SFMBT2: variants seen among roughly 807,000 people sequenced by gnomAD.
SFMBT2 encodes the protein scm-like with four MBT domains protein 2.
In SFMBT2, 38 loss-of-function variants were observed where a neutral mutation model predicts 110.1. That is an observed-to-expected ratio of 0.35 (90% CI 0.27 to 0.45). The LOEUF is 0.45. Ranked by LOEUF, SFMBT2 falls within the 20% of genes least tolerant of loss-of-function variation. The probability of loss-of-function intolerance (pLI) is 1.00; values close to 1 mark genes in which losing one functional copy is unlikely to be tolerated. For synonymous variants in SFMBT2, 425 were observed against 425.4 expected, an observed-to-expected ratio of 1.00 and a Z score of 0.01; for missense variants, 1,011 against 1,094.9, an observed-to-expected ratio of 0.92 and a Z score of 1.08.
At chr10:7,327,719 A>G (rs1297175581) in intron 4 of SFMBT2, among the ~76,000 whole-genome samples, 1 of 152,074 alleles carries the variant, frequency 6.6e-6, no homozygotes, top group East Asian at 1.9e-4. Context: ...AATGGAATCT[A>G]ACAGCATGCA....
At chr10:7,356,325 T>A (rs147240007) in intron 4 of SFMBT2, among the ~76,000 whole-genome samples, 1 of 152,152 alleles carries the variant, frequency 6.6e-6, no homozygotes, top group Non-Finnish European at 1.5e-5. Flanking sequence ...ACAGGCCATA[T>A]AGTGATTAAG....
At chr10:7,185,145 G>A (rs1157894056) in intron 16 of SFMBT2, among the ~76,000 whole-genome samples, 2 of 152,158 alleles carry the variant, frequency 1.3e-5, no homozygotes, top group East Asian at 3.9e-4. Context: ...AATGTCTTAA[G>A]CTGGCCTGTT....
rs1415442127 is a variant in SFMBT2, at chr10:7,171,552, G to C, written c.2415+343C>G. Reference sequence around the variant, plus strand: ...TCCTATAGAGGGGACGTGGGAGCAAGACACAGCGCAGTCAGGGGAGATGCG... The same window carrying C: ...TCCTATAGAGGGGACGTGGGAGCAACACACAGCGCAGTCAGGGGAGATGCG... On this transcript the variant is annotated intron_variant, in intron 19 of 20. Transcript: ENST00000397167. The surrounding 1 kb of genome is among the most constrained non-coding windows in gnomAD (Gnocchi z 4.9). 1.6e-5 allele frequency: 16 copies of C among 985,316 alleles called. No individual in the cohort carries two copies. In the East Asian group the frequency reaches 6.8e-4, roughly 42 times the overall value. 61.0% of individuals were successfully genotyped at this position (985,316 alleles called of 1,614,324 possible). A position where few individuals can be genotyped will look rare whatever the true frequency, so the allele number is the denominator to read the frequency against.
At position 7,365,977 on chromosome 10, in the gene SFMBT2, TAAAA is replaced by T. The variant is rs567920778; in HGVS notation, c.436+1668_436+1671del. Among the ~76,000 whole-genome samples, 119 of 152,116 alleles carry T rather than the reference TAAAA, an allele frequency of 7.8e-4. 2 individuals are homozygous for T. Among genetic ancestry groups the T allele is most frequent in the Middle Eastern group, 3.4e-3 (1 of 294 alleles). ...GTTTTATGGCACGTCAATTAGATCT[TAAAA>T]AAGAAAAGAAAAGAATAGTACAACT... On this transcript the variant is annotated intron_variant, in intron 4 of 20. Transcript: ENST00000397167.
intron 11 of SFMBT2, among the ~76,000 whole-genome samples, chr10:7,208,803 A>G (rs1839237369): frequency 6.6e-6 from 1 of 152,196 alleles, no homozygotes; most frequent in Admixed American, 6.5e-5. Flanking sequence ...TGGCTTTAAT[A>G]CATACGCTTC....
chr10:7,319,906 C>G (rs1843127645), intron 4 of SFMBT2, among the ~76,000 whole-genome samples: 7 of 114,858 alleles, frequency 6.1e-5, no homozygotes, highest in Middle Eastern at 7.2e-3. Flanking sequence ...CAGAGAGAGA[C>G]TAAGAGAGAG....
intron 9 of SFMBT2, among the ~76,000 whole-genome samples, chr10:7,230,440 T>A (rs1746370966): frequency 6.6e-6 from 1 of 152,132 alleles, no homozygotes; most frequent in Admixed American, 6.6e-5. Context: ...GCTGTCTGGA[T>A]CAAAGCCTCA....
At chr10:7,389,882 TC>T (rs914574149) in intron 1 of SFMBT2, among the ~76,000 whole-genome samples, 45 of 152,218 alleles carry the variant, frequency 3.0e-4, no homozygotes, top group African/African-American at 1.0e-3. Context: ...ATAAGCATCC[TC>T]CCCTCTCAAC....
At chr10:7,230,857 C>T (rs556422656) in intron 9 of SFMBT2, among the ~76,000 whole-genome samples, 3 of 152,080 alleles carry the variant, frequency 2.0e-5, no homozygotes, top group South Asian at 2.1e-4. Flanking sequence ...TGCTTGAACC[C>T]GGAGGCGGAG....
chr10:7,278,666 C>T (rs189457438), intron 6 of SFMBT2, among the ~76,000 whole-genome samples: 245 of 152,182 alleles, frequency 1.6e-3, no homozygotes, highest in African/African-American at 5.7e-3. Context: ...ATTTGAAGAC[C>T]CAACAGGTGC....
chr10:7,383,012 C>G (rs540603050), intron 1 of SFMBT2, among the ~76,000 whole-genome samples: 1 of 152,164 alleles, frequency 6.6e-6, no homozygotes, highest in African/African-American at 2.4e-5. Flanking sequence ...TAAACCACCA[C>G]GACCACATGG....
In SFMBT2 at chr10:7,186,423, TATACACAC is replaced by T. The variant is rs1451147256; in HGVS notation, c.1808+2193_1808+2200del. On this transcript the variant is annotated intron_variant, in intron 16 of 20. Coordinates refer to ENST00000397167, the MANE Select transcript of SFMBT2 (RefSeq NM_001387889.1). ...CATATACACATACATACATACTATA[TATACACAC>T]ACACACACACACACACACACACACA... is the stretch of plus-strand genomic sequence containing the variant. Among the ~76,000 whole-genome samples the T allele has an allele frequency of 1.4e-3, 155 of 108,124 alleles. 1 individual carries two copies. The highest frequency in any genetic ancestry group is 2.5e-3 in the Non-Finnish European group (132 of 53,146). The allele number at this position is 108,124 out of a possible 152,430, so 70.9% of individuals were successfully genotyped here.
intron 4 of SFMBT2, among the ~76,000 whole-genome samples, chr10:7,340,357 A>C (rs1301020352): frequency 6.6e-6 from 1 of 152,148 alleles, no homozygotes; most frequent in African/African-American, 2.4e-5. Flanking sequence ...AAAGCCACGT[A>C]TAAGTGACTC....
intron 9 of SFMBT2, among the ~76,000 whole-genome samples, chr10:7,231,373 T>C (rs1158909299): frequency 2.6e-5 from 4 of 152,212 alleles, no homozygotes; most frequent in Admixed American, 1.3e-4. Context: ...GAGAAAACTA[T>C]ATAGAAAAAT....
intron 1 of SFMBT2, among the ~76,000 whole-genome samples, chr10:7,382,228 G>A (rs1845446716): frequency 6.6e-6 from 1 of 152,050 alleles, no homozygotes; most frequent in Non-Finnish European, 1.5e-5. Flanking sequence ...TAGCCAACAT[G>A]GTGAAACCCT....
rs934065199 is a variant in SFMBT2, at chr10:7,160,559, G to A, written c.*3211C>T. On this transcript the variant is annotated 3_prime_UTR_variant, in exon 21 of 21. Coordinates refer to ENST00000397167, the MANE Select transcript of SFMBT2 (RefSeq NM_001387889.1). ...TCCCAAAGAATCATCAAAGAGAGAC[G>A]GAGAAGAAACGGTACCATCCAGGGA... 10 of 152,170 alleles carry A rather than the reference G, an allele frequency of 6.6e-5. No individual in the cohort carries two copies. Among genetic ancestry groups the A allele is most frequent in the African/African-American group, 1.7e-4 (7 of 41,424 alleles). The allele number at this position is 152,170 out of a possible 1,614,324, so 9.4% of individuals were successfully genotyped here.
At chr10:7,286,194 C>A (rs1409007878) in intron 4 of SFMBT2, among the ~76,000 whole-genome samples, 2 of 152,088 alleles carry the variant, frequency 1.3e-5, no homozygotes, top group East Asian at 1.9e-4. Context: ...TGAAAGAATC[C>A]GAAGTCTTAC....
chr10:7,400,907 C>T (rs1182382429), intron 1 of SFMBT2, among the ~76,000 whole-genome samples: 13 of 152,228 alleles, frequency 8.5e-5, no homozygotes, highest in South Asian at 2.1e-4. Flanking sequence ...CCGAGGCGGG[C>T]GGATTACCTG....
In SFMBT2 at chr10:7,408,341, T is replaced by A. The variant is rs1402279281; in HGVS notation, c.-52+2520A>T. ...GGGAGGGGTCACCTGCCGCGGGGTC[T>A]CCAAGCCAGTGCCGCTTGCTCCCGG... is the stretch of plus-strand genomic sequence containing the variant. On this transcript the variant is annotated intron_variant, in intron 1 of 20. Transcript: ENST00000397167. The surrounding 1 kb of genome is among the most constrained non-coding windows in gnomAD (Gnocchi z 5.7). Among the ~76,000 whole-genome samples the A allele has an allele frequency of 6.6e-6, 1 of 152,056 alleles. No individual in the cohort carries two copies. Among genetic ancestry groups the A allele is most frequent in the East Asian group, 1.9e-4 (1 of 5,158 alleles).
Sources: gnomAD v4.1 joint callset for allele counts (sites outside exome capture counted in the v4.1 genomes callset) on GRCh38, gnomAD v4.1.1 for gene constraint, Gnocchi (gnomAD v3.1) non-coding constraint, MANE v1.5 for transcripts, NCBI Gene and HGNC (gene_info 2026-07-23, HGNC 2026-07-21) for gene names.